The following CDK5RAP2 variants were observed in gnomAD, a reference collection of about 807,000 sequenced individuals.
The protein encoded by CDK5RAP2 is CDK5 regulatory subunit associated protein 2, also known as CDK5 regulatory subunit-associated protein 2.
CDK5RAP2 carries 147 observed loss-of-function variants against 232.9 expected under a neutral mutation model. The observed-to-expected ratio is 0.63, with a 90% CI of 0.55 to 0.72. The LOEUF (loss-of-function observed/expected upper bound fraction) is 0.72. CDK5RAP2 is among the 30% of genes least tolerant of loss of function. The pLI, the probability that CDK5RAP2 is intolerant of heterozygous loss-of-function variation, is 0.00. For missense variants in CDK5RAP2, 2,195 were observed against 2,231.5 expected, an observed-to-expected ratio of 0.98 and a Z score of 0.33; for synonymous variants, 833 against 833.7, an observed-to-expected ratio of 1.00 and a Z score of 0.01.
rs547954051 is a variant in CDK5RAP2 at position 120,459,616 on chromosome 9, C to T, written c.2202+956G>A. On this transcript the variant is annotated intron_variant, in intron 19 of 37. Transcript: ENST00000349780. ...TTATTTACTGAGCACTTATTACATG[C>T]CTTTCTATTTAAATATCATAATCCT... is the stretch of plus-strand genomic sequence containing the variant. Among the ~76,000 whole-genome samples the T allele has an allele frequency of 1.1e-4, 17 of 152,222 alleles. No homozygotes were observed. In the South Asian group the frequency reaches 3.3e-3, roughly 30 times the overall value.
intron 1 of CDK5RAP2, among the ~76,000 whole-genome samples, chr9:120,577,893 T>C (rs1276666337): frequency 6.6e-6 from 1 of 152,172 alleles, no homozygotes; most frequent in Non-Finnish European, 1.5e-5. Flanking sequence ...TCTGAGAGAA[T>C]AATAATGGAA....
In CDK5RAP2 at chr9:120,409,233, T is replaced by C. The variant is rs543741893; in HGVS notation, c.4498A>G (p.Ser1500Gly). 14 of 1,614,092 alleles carry C rather than the reference T, an allele frequency of 8.7e-6. No homozygotes were observed. In the Admixed American group the frequency reaches 1.7e-4, roughly 19 times the overall value. Reference protein sequence around the residue: ...SLEHLQREYASVKEENERLQK... With the variant: ...SLEHLQREYAGVKEENERLQK... ...AGCCTTTCATTTTCTTCCTTCACGC[T>C]GGCATACTCCCGCTGAAGGTGCTCC... Residue 1500 changes from serine (S) to glycine (G), a missense_variant, in exon 30 of 38, where the codon AGC (serine) becomes GGC (glycine). Transcript: ENST00000349780.
At chr9:120,520,669 A>G (rs2040579320) in intron 11 of CDK5RAP2, among the ~76,000 whole-genome samples, 1 of 151,630 alleles carries the variant, frequency 6.6e-6, no homozygotes, top group Non-Finnish European at 1.5e-5. Flanking sequence ...TCTCTCTCTC[A>G]TATATCACAT....
intron 2 of CDK5RAP2, among the ~76,000 whole-genome samples, chr9:120,569,037 C>T (rs182159184): frequency 4.4e-4 from 67 of 152,356 alleles, no homozygotes; most frequent in African/African-American, 1.5e-3. Flanking sequence ...CACACCTACT[C>T]GGTGCCAAGC....
In CDK5RAP2 at chr9:120,518,649, G is replaced by A. The variant is rs2040475431; in HGVS notation, c.1093-4C>T. ...CAGTCTCATAGTCTTCAGACCCCTA[G>A]AAGAGAAGGCAGAGAAGCAAGATGA... On this transcript the variant is annotated splice_region_variant and splice_polypyrimidine_tract_variant and intron_variant, in intron 11 of 37. Coordinates refer to ENST00000349780, the MANE Select transcript of CDK5RAP2 (RefSeq NM_018249.6). 6.2e-7 allele frequency: 1 copy of A among 1,611,878 alleles called. No individual in the cohort carries two copies. Among genetic ancestry groups the A allele is most frequent in the Non-Finnish European group, 8.5e-7 (1 of 1,178,318 alleles).
At chr9:120,452,851 C>T (rs1224713804) in intron 21 of CDK5RAP2, among the ~76,000 whole-genome samples, 4 of 152,018 alleles carry the variant, frequency 2.6e-5, no homozygotes, top group African/African-American at 7.3e-5. Context: ...CGGTTAACAA[C>T]GGGAACATGG....
chr9:120,408,313 C>A, intron 31 of CDK5RAP2, 34 bp downstream of exon 31: 4 of 1,612,970 alleles, frequency 2.5e-6, no homozygotes, highest in Non-Finnish European at 3.4e-6. Context: ...CAGCCCAAAG[C>A]ACAGTAGCCT....
chr9:120,460,813 G>A lies in CDK5RAP2; in HGVS notation c.2107-146C>T. 2.9e-6 allele frequency: 4 copies of A among 1,388,598 alleles called. No homozygotes were observed. In the Admixed American group the frequency reaches 8.5e-5, roughly 29 times the overall value. The allele number at this position is 1,388,598 out of a possible 1,614,324, so 86.0% of individuals were successfully genotyped here. A position where few individuals can be genotyped will look rare whatever the true frequency, so the allele number is the denominator to read the frequency against. ...AGGAAGAAACAAATGCCAAAGCCAT[G>A]AAATAAAAATTAACCAAGGTTAGAG... is the stretch of plus-strand genomic sequence containing the variant. On this transcript the variant is annotated intron_variant, in intron 18 of 37. Transcript: ENST00000349780.
intron 35 of CDK5RAP2, among the ~76,000 whole-genome samples, chr9:120,399,849 A>C (rs1235916888): frequency 6.6e-6 from 1 of 152,224 alleles, no homozygotes; most frequent in Admixed American, 6.5e-5. Flanking sequence ...CCAGGATCCC[A>C]AAAGTGAAAT....
At chr9:120,510,570 T>A (rs770344273) in intron 12 of CDK5RAP2, among the ~76,000 whole-genome samples, 7 of 152,084 alleles carry the variant, frequency 4.6e-5, no homozygotes, top group Non-Finnish European at 8.8e-5. Context: ...TTCATGCACA[T>A]GTGCACACTC....
Position 120,437,283 on chromosome 9 carries a change from C to A in CDK5RAP2, c.3955+12G>T. The A allele has an allele frequency of 6.3e-7, 1 of 1,589,404 alleles. No homozygotes were observed. Among genetic ancestry groups the A allele is most frequent in the African/African-American group, 1.3e-5 (1 of 74,590 alleles). ...CTGATGTCTTAAGACTCGCGTACCT[C>A]ACCCTACCTACCGTTGAGAAATAGC... On this transcript the variant is annotated intron_variant, in intron 25 of 37. Coordinates refer to ENST00000349780, the MANE Select transcript of CDK5RAP2 (RefSeq NM_018249.6).
chr9:120,517,995 C>G (rs117718718), intron 12 of CDK5RAP2: 7 of 208,396 alleles, frequency 3.4e-5, no homozygotes, highest in Non-Finnish European at 7.1e-5. Context: ...AAATGCCGTT[C>G]AAAAAAGAAC....
chr9:120,390,771 C>T (rs1381913937), intron 36 of CDK5RAP2, among the ~76,000 whole-genome samples: 1 of 152,202 alleles, frequency 6.6e-6, no homozygotes, highest in Non-Finnish European at 1.5e-5. Context: ...GACTCAACGC[C>T]CAACACACAT....
intron 35 of CDK5RAP2, among the ~76,000 whole-genome samples, chr9:120,397,513 T>C (rs1233401356): frequency 8.3e-6 from 1 of 119,822 alleles, no homozygotes; most frequent in African/African-American, 3.3e-5. Context: ...ATTACAGGCA[T>C]GAGCCACCAT....
At chr9:120,447,759 G>C in intron 22 of CDK5RAP2, 136 bp downstream of exon 22, 1 of 769,632 alleles carries the variant, frequency 1.3e-6, no homozygotes, top group Non-Finnish European at 2.4e-6. Context: ...TTTGTCAAGA[G>C]TCAAGATTAA....
chr9:120,571,023 G>A (rs187051905), intron 2 of CDK5RAP2, among the ~76,000 whole-genome samples: 13 of 152,272 alleles, frequency 8.5e-5, no homozygotes, highest in Admixed American at 3.3e-4. Flanking sequence ...GCCAGGTGTC[G>A]TGGCACACGC....
At chr9:120,545,289 G>A (rs921972560) in intron 5 of CDK5RAP2, among the ~76,000 whole-genome samples, 1 of 152,182 alleles carries the variant, frequency 6.6e-6, no homozygotes, top group Non-Finnish European at 1.5e-5. Flanking sequence ...ATATATTGTT[G>A]AGGAAAGAAG....
chr9:120,443,600 C>T lies in CDK5RAP2; in HGVS notation c.3148+20G>A. 1.9e-6 allele frequency: 3 copies of T among 1,613,850 alleles called. No homozygotes were observed. Among genetic ancestry groups the T allele is most frequent in the South Asian group, 1.1e-5 (1 of 91,086 alleles). On this transcript the variant is annotated intron_variant, in intron 23 of 37. Coordinates refer to ENST00000349780, the MANE Select transcript of CDK5RAP2 (RefSeq NM_018249.6). ...TGGCACATGGAAGCTGTTCAATACA[C>T]ACAGGGGCTGAATTCTGACCAATCT... is the stretch of plus-strand genomic sequence containing the variant.
intron 6 of CDK5RAP2, 172 bp from the exon 7 acceptor site, chr9:120,536,698 T>C: frequency 2.7e-6 from 2 of 736,186 alleles, no homozygotes; most frequent in Non-Finnish European, 4.7e-6. Context: ...GCCAGCCATT[T>C]TTCCCTCTTG....
Sources: gnomAD v4.1 joint callset for allele counts (sites outside exome capture counted in the v4.1 genomes callset) on GRCh38, gnomAD v4.1.1 for gene constraint, MANE v1.5 for transcripts, NCBI Gene and HGNC (gene_info 2026-07-23, HGNC 2026-07-21) for gene names.